Variants in SLC44A5 observed in about 807,000 individuals in gnomAD.
SLC44A5 encodes solute carrier family 44 member 5.
SLC44A5 carries 57 observed loss-of-function variants against 101.8 expected under a neutral mutation model. The observed-to-expected ratio is 0.56, with a 90% CI of 0.45 to 0.70. The LOEUF (loss-of-function observed/expected upper bound fraction) is 0.70, where lower values mean the gene tolerates loss of function less well. SLC44A5 is among the 30% of genes least tolerant of loss of function. The probability of loss-of-function intolerance (pLI) is 0.00; values close to 1 mark genes in which losing one functional copy is unlikely to be tolerated. For synonymous variants in SLC44A5, 281 were observed against 290.9 expected (o/e 0.97, Z 0.35); for missense variants, 737 against 853.1 (o/e 0.86, Z 1.70).
chr1:75,222,532 AGG>A, intron 13 of SLC44A5, 72 bp from the exon 14 acceptor site: 1 of 861,150 alleles, frequency 1.2e-6, no homozygotes, highest in South Asian at 1.5e-5. Flanking sequence ...TGCAAATGCT[AGG>A]ATTGAACTTT....
At chr1:75,503,859 A>G (rs547422638) in intron 2 of SLC44A5, among the ~76,000 whole-genome samples, 1 of 152,144 alleles carries the variant, frequency 6.6e-6, no homozygotes, top group African/African-American at 2.4e-5. Flanking sequence ...AAGCTGGAAA[A>G]CCAGGTCTGT....
At chr1:75,714,488 G>A in the SLC44A5 span, among the ~76,000 whole-genome samples, 1 of 152,064 alleles carries the variant, frequency 6.6e-6, no homozygotes, top group African/African-American at 2.4e-5. Context: ...TTCCTAGCCA[G>A]GGCAATCAGG....
In SLC44A5 at chr1:75,279,895, T is replaced by A. The variant is rs575454107; in HGVS notation, c.176-4853A>T. On this transcript the variant is annotated intron_variant, in intron 5 of 23. Coordinates refer to ENST00000370859, the MANE Select transcript of SLC44A5 (RefSeq NM_001130058.2). ...TACCCAATGTGTAGTATTTTGTCTC[T>A]CAACCCCTCCCACTTTTTCCCTAGA... Among the ~76,000 whole-genome samples, 29 of 151,966 alleles carry A rather than the reference T, an allele frequency of 1.9e-4. No homozygotes were observed. In the East Asian group the frequency reaches 5.4e-3, roughly 28 times the overall value.
chr1:75,422,393 C>T (rs960624085), intron 2 of SLC44A5, among the ~76,000 whole-genome samples: 1 of 152,198 alleles, frequency 6.6e-6, no homozygotes, highest in Non-Finnish European at 1.5e-5. Flanking sequence ...TTTGGACTTA[C>T]AAGTCCGCAG....
At chr1:75,424,803 G>A (rs949806471) in intron 2 of SLC44A5, among the ~76,000 whole-genome samples, 7 of 152,034 alleles carry the variant, frequency 4.6e-5, no homozygotes, top group South Asian at 2.1e-4. Context: ...CAGGATTTAC[G>A]TTACAGTATC....
At chr1:75,536,494 C>T (rs866121857) in intron 2 of SLC44A5, among the ~76,000 whole-genome samples, 1 of 148,360 alleles carries the variant, frequency 6.7e-6, no homozygotes, top group Non-Finnish European at 1.5e-5. Context: ...CCAGCTACTC[C>T]GGAGGCTGAG....
At chr1:75,342,090 A>G (rs1386961510) in intron 3 of SLC44A5, among the ~76,000 whole-genome samples, 1 of 152,196 alleles carries the variant, frequency 6.6e-6, no homozygotes, top group African/African-American at 2.4e-5. Context: ...AAATGAGGAG[A>G]AAAGCAGGTC....
chr1:75,418,684 T>C (rs776894904), intron 2 of SLC44A5, among the ~76,000 whole-genome samples: 9 of 152,194 alleles, frequency 5.9e-5, no homozygotes, highest in African/African-American at 1.2e-4. Flanking sequence ...GACCAGATCA[T>C]GCAGGGCCTC....
chr1:75,630,233 T>C, the SLC44A5 span, among the ~76,000 whole-genome samples: 3 of 152,184 alleles, frequency 2.0e-5, no homozygotes, highest in Non-Finnish European at 2.9e-5. Context: ...TCCCAGGCAA[T>C]TGGCTTGTCT....
intron 5 of SLC44A5, among the ~76,000 whole-genome samples, chr1:75,279,630 G>C (rs1002436075): frequency 1.3e-5 from 2 of 151,646 alleles, no homozygotes; most frequent in African/African-American, 4.8e-5. Context: ...CCTTTTTTTT[G>C]TTCTTCAGAA....
chr1:75,497,978 C>T (rs1036430253), intron 2 of SLC44A5, among the ~76,000 whole-genome samples: 5 of 152,026 alleles, frequency 3.3e-5, no homozygotes, highest in African/African-American at 1.2e-4. Flanking sequence ...CGAATTTCTA[C>T]ACAACAAGAT....
At chr1:75,579,729 G>A (rs976042602) in intron 1 of SLC44A5, among the ~76,000 whole-genome samples, 1 of 152,006 alleles carries the variant, frequency 6.6e-6, no homozygotes, top group African/African-American at 2.4e-5. Flanking sequence ...ATAAGGTTTA[G>A]AGAAGACAGA....
At chr1:75,310,179 A>G (rs1202644584) in intron 4 of SLC44A5, among the ~76,000 whole-genome samples, 2 of 152,234 alleles carry the variant, frequency 1.3e-5, no homozygotes, top group Admixed American at 1.3e-4. Context: ...AAAGCCAGAA[A>G]TGTGGTTTAA....
Position 75,590,333 on chromosome 1 carries a change from C to T in SLC44A5, c.-70+20707G>A, listed in dbSNP as rs1045993185. ...CCCTGGGCCAGAAGGTAATCTGCTG[C>T]CTTAATGGAAAAAATCCAGTCTTGC... On this transcript the variant is annotated intron_variant, in intron 1 of 23. Coordinates refer to ENST00000370859, the MANE Select transcript of SLC44A5 (RefSeq NM_001130058.2). Among the ~76,000 whole-genome samples, 5 of 152,172 alleles carry T rather than the reference C, an allele frequency of 3.3e-5. No individual in the cohort carries two copies. The South Asian group carries it at 1.0e-3, about 32-fold the overall frequency.
At chr1:75,453,998 G>C (rs1666046843) in intron 2 of SLC44A5, among the ~76,000 whole-genome samples, 1 of 152,028 alleles carries the variant, frequency 6.6e-6, no homozygotes, top group African/African-American at 2.4e-5. Context: ...CAATTCTACT[G>C]AAACTATCCC....
intron 2 of SLC44A5, among the ~76,000 whole-genome samples, chr1:75,536,519 T>C (rs211749): frequency 0.091 from 12,989 of 143,228 alleles, 821 homozygotes; most frequent in African/African-American, 0.18. Flanking sequence ...GAGAATGGCA[T>C]GAACCCGGGA....
Position 75,512,090 on chromosome 1 carries a change from A to C in SLC44A5, c.13+29345T>G, listed in dbSNP as rs115254049. Among the ~76,000 whole-genome samples, 1,203 of 152,316 alleles carry C rather than the reference A, an allele frequency of 7.9e-3. 11 individuals carry two copies. Among genetic ancestry groups the C allele is most frequent in the African/African-American group, 0.028 (1,153 of 41,550 alleles). On this transcript the variant is annotated intron_variant, in intron 2 of 23. Transcript: ENST00000370859. ...GGCCTCAATAAATGAAAATGTGCTC[A>C]TGTAAATAAGCACAGCCCACGTAAA...
chr1:75,245,241 T>G (rs903198649), intron 7 of SLC44A5, among the ~76,000 whole-genome samples: 2 of 152,148 alleles, frequency 1.3e-5, no homozygotes, highest in Non-Finnish European at 2.9e-5. Context: ...CACGTGTGCA[T>G]GCACACACAC....
chr1:75,227,931 C>T, intron 12 of SLC44A5, 74 bp from the exon 13 acceptor site: 1 of 1,213,394 alleles, frequency 8.2e-7, no homozygotes, highest in Non-Finnish European at 1.1e-6. Flanking sequence ...GCTCATCATA[C>T]ATATCTATAT....
Sources: gnomAD v4.1 joint callset for allele counts (sites outside exome capture counted in the v4.1 genomes callset) on GRCh38, gnomAD v4.1.1 for gene constraint, MANE v1.5 for transcripts, NCBI Gene and HGNC (gene_info 2026-07-23, HGNC 2026-07-21) for gene names.